The following CSMD1 variants were observed in gnomAD, a reference collection of about 807,000 sequenced individuals.
CSMD1 encodes the protein CUB and sushi domain-containing protein 1.
In CSMD1, 213 loss-of-function variants were observed where a neutral mutation model predicts 417.5. The ratio of observed to expected loss-of-function variants is 0.51; its 90% CI spans 0.46 to 0.57. CSMD1 has a LOEUF of 0.57. Ranked by LOEUF, CSMD1 falls within the 20% of genes least tolerant of loss-of-function variation. The probability of loss-of-function intolerance (pLI) is 0.00; values close to 1 mark genes in which losing one functional copy is unlikely to be tolerated. For synonymous variants in CSMD1, 2,862 were observed against 1,736.8 expected (o/e 1.65, Z -16.11); for missense variants, 6,923 against 4,529.7 (o/e 1.53, Z -15.17).
At chr8:4,022,307 G>A (rs1415228384) in intron 4 of CSMD1, among the ~76,000 whole-genome samples, 2 of 151,882 alleles carry the variant, frequency 1.3e-5, no homozygotes, top group Non-Finnish European at 2.9e-5. Context: ...AGGAAGAGAA[G>A]TATTATTTAG....
At chr8:4,178,207 C>G (rs1006108179) in intron 3 of CSMD1, among the ~76,000 whole-genome samples, 2 of 152,174 alleles carry the variant, frequency 1.3e-5, no homozygotes, top group Non-Finnish European at 1.5e-5. Context: ...CCGAATCCAG[C>G]AGCACATCAA....
At chr8:4,369,301 T>C (rs1030740076) in intron 3 of CSMD1, among the ~76,000 whole-genome samples, 1 of 152,158 alleles carries the variant, frequency 6.6e-6, no homozygotes, top group Non-Finnish European at 1.5e-5. Context: ...TGCTGTTTTA[T>C]TTGTGGTTGT....
chr8:2,981,086 G>C (rs1025624019), intron 54 of CSMD1, among the ~76,000 whole-genome samples: 1 of 152,146 alleles, frequency 6.6e-6, no homozygotes, highest in Non-Finnish European at 1.5e-5. Context: ...TCCAATAGGA[G>C]ATACAGCTGC....
intron 17 of CSMD1, among the ~76,000 whole-genome samples, chr8:3,394,365 T>A (rs1377288455): frequency 6.6e-6 from 1 of 151,130 alleles, no homozygotes; most frequent in Non-Finnish European, 1.5e-5. Flanking sequence ...CATTTCCTGA[T>A]TTTCCAGAAA....
rs1388552010 is a variant in CSMD1 at position 4,564,967 on chromosome 8, G to A, written c.302+72375C>T. On this transcript the variant is annotated intron_variant, in intron 2 of 69. Coordinates refer to ENST00000635120, the MANE Select transcript of CSMD1 (RefSeq NM_033225.6). ...TATGAATTTTTGTGCTCAAAAGAAT[G>A]TGGGTGCCTTGGCATGGGGAACCCT... Among the ~76,000 whole-genome samples, 6 of 152,284 alleles carry A rather than the reference G, an allele frequency of 3.9e-5. No individual in the cohort carries two copies. The East Asian group carries it at 1.2e-3, about 29-fold the overall frequency.
chr8:4,196,528 T>A (rs765846024), intron 3 of CSMD1, among the ~76,000 whole-genome samples: 4 of 152,174 alleles, frequency 2.6e-5, no homozygotes, highest in Non-Finnish European at 4.4e-5. Flanking sequence ...TCCCATTTCC[T>A]TGCTGGCTGT....
At chr8:3,168,516 G>C (rs147474263) in intron 37 of CSMD1, among the ~76,000 whole-genome samples, 15 of 152,116 alleles carry the variant, frequency 9.9e-5, no homozygotes, top group Admixed American at 9.8e-4. Context: ...GACATCATGT[G>C]AGCCTGACAA....
intron 3 of CSMD1, among the ~76,000 whole-genome samples, chr8:4,238,192 C>T (rs895400441): frequency 2.6e-5 from 4 of 152,282 alleles, no homozygotes; most frequent in Non-Finnish European, 4.4e-5. Context: ...CCAAGTACGT[C>T]GATATTAACA....
intron 3 of CSMD1, among the ~76,000 whole-genome samples, chr8:4,142,944 A>G (rs1251209579): frequency 6.6e-6 from 1 of 150,924 alleles, no homozygotes; most frequent in Non-Finnish European, 1.5e-5. Context: ...TTGCATCATA[A>G]ACAGAAATAC....
intron 5 of CSMD1, among the ~76,000 whole-genome samples, chr8:3,919,572 C>G (rs1166587587): frequency 6.6e-6 from 1 of 151,984 alleles, no homozygotes; most frequent in Admixed American, 6.6e-5. Context: ...ACATGTGATG[C>G]CTTCAGCTGT....
At chr8:3,692,241 C>A (rs143769538) in intron 7 of CSMD1, among the ~76,000 whole-genome samples, 1 of 152,238 alleles carries the variant, frequency 6.6e-6, no homozygotes, top group African/African-American at 2.4e-5. Context: ...TCCTTCACAG[C>A]CCCCTTAGTC....
chr8:4,035,345 T>A (rs766450154), intron 3 of CSMD1, among the ~76,000 whole-genome samples: 1 of 152,214 alleles, frequency 6.6e-6, no homozygotes, highest in African/African-American at 2.4e-5. Context: ...TTTTTCTACT[T>A]ACTATACTAT....
chr8:4,041,487 C>G (rs1255479908), intron 3 of CSMD1, among the ~76,000 whole-genome samples: 1 of 152,120 alleles, frequency 6.6e-6, no homozygotes, highest in East Asian at 1.9e-4. Flanking sequence ...CAAACTGTTC[C>G]ACAAATAGTC....
At chr8:3,513,136 T>TTTA (rs1563110214) in intron 10 of CSMD1, among the ~76,000 whole-genome samples, 27 of 151,940 alleles carry the variant, frequency 1.8e-4, no homozygotes, top group African/African-American at 6.5e-4. Context: ...TATTTTTTTT[T>TTTA]ATATGCCTTT....
At chr8:4,217,092 G>C (rs374760065) in intron 3 of CSMD1, among the ~76,000 whole-genome samples, 4 of 152,284 alleles carry the variant, frequency 2.6e-5, no homozygotes, top group African/African-American at 9.6e-5. Context: ...ATAGTAGATA[G>C]GGGCTGACAT....
In CSMD1 at chr8:3,933,461, A is replaced by G. The variant is rs80042346; in HGVS notation, c.818+64442T>C. ...CTAAGCATTTCCCGCCTACATCTTC[A>G]CTCCCACCCACTCAACCCCTTTCAG... is the stretch of plus-strand genomic sequence containing the variant. On this transcript the variant is annotated intron_variant, in intron 5 of 69. Transcript: ENST00000635120. 4.7e-3 allele frequency among the ~76,000 whole-genome samples: 714 copies of G among 152,064 alleles called. 4 individuals carry two copies. Among genetic ancestry groups the G allele is most frequent in the African/African-American group, 0.016 (679 of 41,476 alleles).
rs1216783726 is a variant in CSMD1, at chr8:3,409,511, T to C, written c.1656A>G (p.Glu552=). ...SFLHGDTLTF[E]CPAAFELVGE... ...CCACCAGCTCAAAGGCCGCCGGGCA[T>C]TCAAAGGTGAGTGTATCTCCATGGA... Residue 552 remains glutamate, a synonymous_variant, in exon 13 of 70, where the codon GAA becomes GAG. Transcript: ENST00000635120. The C allele has an allele frequency of 4.3e-6, 7 of 1,611,390 alleles. No homozygotes were observed. Among genetic ancestry groups the C allele is most frequent in the Non-Finnish European group, 5.9e-6 (7 of 1,178,878 alleles).
chr8:3,819,825 G>A (rs1045139299), intron 5 of CSMD1, among the ~76,000 whole-genome samples: 5 of 152,030 alleles, frequency 3.3e-5, no homozygotes, highest in Non-Finnish European at 7.4e-5. Flanking sequence ...GATTACAGGC[G>A]TGACCCATCG....
Position 4,841,926 on chromosome 8 carries a change from A to AAAAAAAACAAAAAAC in CSMD1, c.85+152405_85+152406insGTTTTTTGTTTTTTT, listed in dbSNP as rs1800862712. On this transcript the variant is annotated intron_variant, in intron 1 of 69. Coordinates refer to ENST00000635120, the MANE Select transcript of CSMD1 (RefSeq NM_033225.6). ...AACTCCGTCTCAAAAAAAAAAAAAAAAAAAAAAAAAAAGTTCAGAACAATG... is the reference window on the plus strand; with the variant it reads ...AACTCCGTCTCAAAAAAAAAAAAAAAAAAAAAACAAAAAACAAAAAAAAAAAAGTTCAGAACAATG... Among the ~76,000 whole-genome samples, 5 of 142,156 alleles carry AAAAAAAACAAAAAAC rather than the reference A, an allele frequency of 3.5e-5. 1 individual carries two copies. The highest frequency in any genetic ancestry group is 1.3e-4 in the African/African-American group (5 of 37,416). The allele number at this position is 142,156 out of a possible 152,430, so 93.3% of individuals were successfully genotyped here.
Sources: allele counts gnomAD v4.1 joint callset (sites outside exome capture counted in the v4.1 genomes callset), GRCh38; gene constraint gnomAD v4.1.1; transcripts MANE v1.5; gene names NCBI Gene and HGNC (gene_info 2026-07-23, HGNC 2026-07-21).